The following AHRR variants were observed in gnomAD, a reference collection of about 807,000 sequenced individuals.
The protein encoded by AHRR is ahR repressor.
In AHRR, 28 loss-of-function variants were observed where a neutral mutation model predicts 44.0. The observed-to-expected ratio is 0.64, with a 90% CI of 0.47 to 0.87. The LOEUF (loss-of-function observed/expected upper bound fraction) is 0.87. Ranked by LOEUF, AHRR falls within the 40% of genes least tolerant of loss-of-function variation. The probability of loss-of-function intolerance (pLI) is 0.00; values close to 1 mark genes in which losing one functional copy is unlikely to be tolerated. For missense variants in AHRR, 990 were observed against 953.9 expected, an observed-to-expected ratio of 1.04 and a Z score of -0.50; for synonymous variants, 434 against 407.0, an observed-to-expected ratio of 1.07 and a Z score of -0.80.
intron 5 of AHRR, among the ~76,000 whole-genome samples, chr5:422,110 C>T (rs948652891): frequency 6.6e-6 from 1 of 152,290 alleles, no homozygotes; most frequent in South Asian, 2.1e-4. Flanking sequence ...CCGACACGCT[C>T]ACTGGCAGTG....
chr5:433,059 G>T (rs1579717082), intron 10 of AHRR, 112 bp downstream of exon 10: 1 of 1,321,140 alleles, frequency 7.6e-7, no homozygotes, highest in Non-Finnish European at 1.0e-6. Flanking sequence ...GACGACAGCA[G>T]CCTTGGCCAC....
At chr5:381,109 C>T (rs1378021535) in intron 4 of AHRR, among the ~76,000 whole-genome samples, 1 of 152,254 alleles carries the variant, frequency 6.6e-6, no homozygotes, top group Non-Finnish European at 1.5e-5. Context: ...AGCAAATTCT[C>T]CTCTTCTTGT....
In AHRR at chr5:366,058, T is replaced by TC. The variant is rs200793058; in HGVS notation, c.245-10544dup. On this transcript the variant is annotated intron_variant, in intron 3 of 10. Coordinates refer to ENST00000684583, the MANE Select transcript of AHRR (RefSeq NM_001377236.1). ...ACGTAAAATGTGTGTACACTCACCTTCCCCCCCCACCCCCTGCCCCACACA... is the reference window on the plus strand; with the variant it reads ...ACGTAAAATGTGTGTACACTCACCTTCCCCCCCCCACCCCCTGCCCCACACA... Among the ~76,000 whole-genome samples, 1,153 of 149,600 alleles carry TC rather than the reference T, an allele frequency of 7.7e-3. 12 individuals carry two copies. The highest frequency in any genetic ancestry group is 0.038 in the South Asian group (176 of 4,642).
chr5:415,372 C>G (rs1402255835), intron 5 of AHRR, among the ~76,000 whole-genome samples: 3,860 of 116,604 alleles, frequency 0.033, 26 homozygotes, highest in Non-Finnish European at 0.045. Flanking sequence ...TCTCCCTGGT[C>G]GGGTGGGAGG....
chr5:408,249 C>T (rs1395692251), intron 4 of AHRR, among the ~76,000 whole-genome samples: 1 of 152,240 alleles, frequency 6.6e-6, no homozygotes, highest in Non-Finnish European at 1.5e-5. Flanking sequence ...TGGTGGGCCT[C>T]CCTACCCTGT....
intron 3 of AHRR, chr5:368,115 ACT>A (rs1371284290): frequency 1.7e-6 from 1 of 589,530 alleles, no homozygotes; most frequent in African/African-American, 1.9e-5. Flanking sequence ...ACAAATGGAG[ACT>A]CTGACAGCTG....
chr5:424,822 C>T (rs1169376925), intron 7 of AHRR, among the ~76,000 whole-genome samples: 3 of 152,176 alleles, frequency 2.0e-5, no homozygotes, highest in Non-Finnish European at 2.9e-5. Context: ...ACCATTTCTT[C>T]TTCCAGCTCC....
At chr5:424,219 GT>G (rs1736276459) in intron 7 of AHRR, among the ~76,000 whole-genome samples, 2 of 115,516 alleles carry the variant, frequency 1.7e-5, no homozygotes, top group Non-Finnish European at 4.1e-5. Context: ...TGGTGTGGGG[GT>G]GTTAACCCAT....
At chr5:403,708 A>T in intron 4 of AHRR, 15 of 798,714 alleles carry the variant, frequency 1.9e-5, no homozygotes, top group Non-Finnish European at 2.6e-5. Flanking sequence ...TTTCTCTCAG[A>T]GGCATATTTT....
At chr5:392,794 A>G (rs1377119461) in intron 4 of AHRR, among the ~76,000 whole-genome samples, 5 of 151,894 alleles carry the variant, frequency 3.3e-5, no homozygotes, top group Non-Finnish European at 7.4e-5. Context: ...TCATTTCATC[A>G]GGCCTTACCG....
chr5:428,844 C>A (rs952709961), intron 8 of AHRR, among the ~76,000 whole-genome samples: 5 of 152,196 alleles, frequency 3.3e-5, no homozygotes, highest in Non-Finnish European at 7.4e-5. Flanking sequence ...CTAGGGCTCT[C>A]CCTCACATGC....
rs200431333 is a variant in AHRR at position 403,687 on chromosome 5, T to TTA, written c.352-9656_352-9655insAT. 3.3e-3 allele frequency: 2,566 copies of TTA among 774,018 alleles called. 31 individuals are homozygous for TTA. The African/African-American group carries it at 0.034, about 10-fold the overall frequency. The allele number at this position is 774,018 out of a possible 1,614,324, so 47.9% of individuals were successfully genotyped here. A position where few individuals can be genotyped will look rare whatever the true frequency, so the allele number is the denominator to read the frequency against. On this transcript the variant is annotated intron_variant, in intron 4 of 10. Coordinates refer to ENST00000684583, the MANE Select transcript of AHRR (RefSeq NM_001377236.1). ...CTTTAAATAGTTAAAATGGTATTTT[T>TTA]TTTTTTTTACTTTCTCTCAGAGGCA...
intron 8 of AHRR, 64 bp from the exon 9 acceptor site, chr5:432,399 G>T: frequency 6.6e-7 from 1 of 1,512,904 alleles, no homozygotes. Flanking sequence ...ATCAAAACAT[G>T]TTTCATCCAC....
chr5:398,690 G>A (rs559780105), intron 4 of AHRR, among the ~76,000 whole-genome samples: 8 of 152,316 alleles, frequency 5.3e-5, no homozygotes, highest in East Asian at 1.9e-4. Flanking sequence ...CTGTTACTCC[G>A]TTTTAAGCTG....
chr5:431,104 C>A (rs1355357593), intron 8 of AHRR, among the ~76,000 whole-genome samples: 1 of 152,194 alleles, frequency 6.6e-6, no homozygotes, highest in Non-Finnish European at 1.5e-5. Flanking sequence ...GAGTTCCCAA[C>A]CCTAGAAGCA....
At chr5:410,757 A>G (rs1330746589) in intron 4 of AHRR, among the ~76,000 whole-genome samples, 1 of 152,098 alleles carries the variant, frequency 6.6e-6, no homozygotes, top group African/African-American at 2.4e-5. Flanking sequence ...TAGGTATTTT[A>G]TGTTTTTTGA....
intron 5 of AHRR, among the ~76,000 whole-genome samples, chr5:415,405 T>TGGGG: frequency 7.5e-6 from 1 of 133,598 alleles, no homozygotes; most frequent in Non-Finnish European, 1.6e-5. Context: ...GTCTGCCTGG[T>TGGGG]CGGGTGGGAG....
chr5:354,167 G>T (rs1318983155), intron 3 of AHRR, among the ~76,000 whole-genome samples: 1 of 152,224 alleles, frequency 6.6e-6, no homozygotes, highest in Non-Finnish European at 1.5e-5. Context: ...ACCTCAGTTT[G>T]CTGGGATGGG....
intron 3 of AHRR, among the ~76,000 whole-genome samples, chr5:366,783 G>C (rs1025740970): frequency 6.6e-6 from 1 of 152,202 alleles, no homozygotes; most frequent in African/African-American, 2.4e-5. Flanking sequence ...TACTCGGCTG[G>C]AGGTGCATAA....
Sources: gnomAD v4.1 joint callset for allele counts (sites outside exome capture counted in the v4.1 genomes callset) on GRCh38, gnomAD v4.1.1 for gene constraint, MANE v1.5 for transcripts, NCBI Gene and HGNC (gene_info 2026-07-23, HGNC 2026-07-21) for gene names.